Variants in KCTD1 observed in about 807,000 individuals in gnomAD.
KCTD1 encodes BTB/POZ domain-containing protein KCTD1.
KCTD1 carries 24 observed loss-of-function variants against 66.0 expected under a neutral mutation model. That is an observed-to-expected ratio of 0.36 (90% CI 0.26 to 0.51). The LOEUF is 0.51. KCTD1 is among the 20% of genes least tolerant of loss of function. The pLI is 0.95. For synonymous variants in KCTD1, 511 were observed against 517.2 expected (o/e 0.99, Z 0.16); for missense variants, 943 against 1,205.2 (o/e 0.78, Z 3.22).
intron 1 of KCTD1, among the ~76,000 whole-genome samples, chr18:26,612,375 C>A (rs1987155859): frequency 6.6e-6 from 1 of 152,152 alleles, no homozygotes; most frequent in Non-Finnish European, 1.5e-5. Flanking sequence ...ACCCCCAGTA[C>A]CTCAGAATGT....
intron 1 of KCTD1, among the ~76,000 whole-genome samples, chr18:26,587,259 C>T (rs1986491781): frequency 1.3e-5 from 2 of 152,138 alleles, no homozygotes; most frequent in South Asian, 2.1e-4. Flanking sequence ...CAATGAAAAA[C>T]GAAGCCTGGA....
In KCTD1 at chr18:26,468,389, C is replaced by G. The variant is rs573902406; in HGVS notation, c.2133+8126G>C. 3.9e-5 allele frequency among the ~76,000 whole-genome samples: 6 copies of G among 152,192 alleles called. No homozygotes were observed. The East Asian group carries it at 1.2e-3, about 29-fold the overall frequency. On this transcript the variant is annotated intron_variant, in intron 3 of 4. Transcript: ENST00000580059. This position sits in a 1 kb window ranked among gnomAD's most constrained non-coding sequence, Gnocchi z 4.8. ...GTATCCGGCTCGGACAGCACATTTG[C>G]GGAATGAGATTTTAGGGGTGGAGGA...
At chr18:26,550,565 G>GACACACAGACACACACACACACAC (rs372123383), upstream of KCTD1, among the ~76,000 whole-genome samples, 1 of 140,490 alleles carries the variant, frequency 7.1e-6, no homozygotes, top group African/African-American at 2.7e-5. This position sits in a 1 kb window ranked among gnomAD's most constrained non-coding sequence, Gnocchi z 5.4. Flanking sequence ...AAGACACACA[G>GACACACAGACACACACACACACAC]ACACACACAC....
intron 1 of KCTD1, chr18:26,565,637 A>G (rs2144886774): frequency 6.6e-6 from 1 of 151,630 alleles, no homozygotes; most frequent in Non-Finnish European, 1.5e-5. Context: ...ACTGTCTTTA[A>G]TTTGCTGCTT....
chr18:26,569,575 TG>T (rs1986056040), intron 1 of KCTD1, among the ~76,000 whole-genome samples: 1 of 141,648 alleles, frequency 7.1e-6, no homozygotes, highest in Non-Finnish European at 1.5e-5. Flanking sequence ...ATCAGGCAGG[TG>T]GGGGGTGGGG....
chr18:26,571,480 T>C (rs902937453), intron 1 of KCTD1, among the ~76,000 whole-genome samples: 8 of 152,192 alleles, frequency 5.3e-5, no homozygotes, highest in Non-Finnish European at 1.0e-4. Context: ...TGATATAAAA[T>C]GGTATTGTAT....
At chr18:26,473,546 C>T (rs1259303191) in intron 3 of KCTD1, among the ~76,000 whole-genome samples, 1 of 147,102 alleles carries the variant, frequency 6.8e-6, no homozygotes, top group Non-Finnish European at 1.5e-5. Context: ...CCTGCACATG[C>T]ACCCCAGAAC....
intron 2 of KCTD1, among the ~76,000 whole-genome samples, chr18:26,485,090 G>C (rs769624367): frequency 2.6e-5 from 4 of 152,140 alleles, no homozygotes; most frequent in Non-Finnish European, 5.9e-5. Context: ...TTTGAAACTT[G>C]CCTTGAGTTT....
In KCTD1 at chr18:26,455,413, G is replaced by GTTTA. The variant is rs1473979843; in HGVS notation, c.*326_*329dup. 3 of 162,200 alleles carry GTTTA rather than the reference G, an allele frequency of 1.8e-5. No individual in the cohort carries two copies. Among genetic ancestry groups the GTTTA allele is most frequent in the Non-Finnish European group, 4.0e-5 (3 of 75,612 alleles). The allele number at this position is 162,200 out of a possible 1,614,324, so 10.0% of individuals were successfully genotyped here. ...ACTGTGTCCTCACCACTCATGGCTT[G>GTTTA]TTTATTTGTCAGAGGCCTCGGAAGG... On this transcript the variant is annotated 3_prime_UTR_variant, in exon 5 of 5. Coordinates refer to ENST00000580059, the MANE Select transcript of KCTD1 (RefSeq NM_001142730.3).
chr18:26,549,058 C>T (rs931047121), upstream of KCTD1: 237 of 985,210 alleles, frequency 2.4e-4, no homozygotes, highest in Middle Eastern at 2.6e-3. Flanking sequence ...CCGGGCGGGC[C>T]GCGGGTGCTG....
At chr18:26,546,699 A>T in intron 1 of KCTD1, 29 bp downstream of exon 1, 1 of 1,526,282 alleles carries the variant, frequency 6.6e-7, no homozygotes, top group Non-Finnish European at 8.8e-7. Context: ...CCAAAGAAAC[A>T]TTTCATGCAT....
chr18:26,578,636 A>C (rs1567999278), intron 1 of KCTD1, among the ~76,000 whole-genome samples: 1 of 152,202 alleles, frequency 6.6e-6, no homozygotes, highest in Non-Finnish European at 1.5e-5. Flanking sequence ...GCTCTAACCC[A>C]TGGGAATAGT....
chr18:26,461,867 G>A (rs1041719357), intron 3 of KCTD1, among the ~76,000 whole-genome samples: 5 of 152,208 alleles, frequency 3.3e-5, no homozygotes, highest in African/African-American at 1.2e-4. Flanking sequence ...TGTAATCCCA[G>A]CACTTTGGGA....
upstream of KCTD1, chr18:26,549,055 G>A (rs1985429699): frequency 2.0e-6 from 2 of 985,202 alleles, no homozygotes; most frequent in Non-Finnish European, 2.4e-6. Flanking sequence ...GCGCCGGGCG[G>A]GCCGCGGGTG....
At chr18:26,595,695 G>A (rs2144958564) in intron 1 of KCTD1, among the ~76,000 whole-genome samples, 2 of 152,256 alleles carry the variant, frequency 1.3e-5, no homozygotes, top group South Asian at 4.1e-4. Flanking sequence ...TTACTTTTAG[G>A]TAGACCCTCT....
At chr18:26,621,341 C>T (rs555710668) in intron 1 of KCTD1, among the ~76,000 whole-genome samples, 35 of 152,234 alleles carry the variant, frequency 2.3e-4, no homozygotes, top group African/African-American at 7.7e-4. Context: ...TAGACACTGT[C>T]CATAGACTAC....
chr18:26,589,205 G>A (rs1256249028), intron 1 of KCTD1, among the ~76,000 whole-genome samples: 1 of 152,222 alleles, frequency 6.6e-6, no homozygotes, highest in Non-Finnish European at 1.5e-5. Context: ...GAGGGCAACA[G>A]AGAGACAAGA....
Position 26,542,483 on chromosome 18 carries a change from G to A in KCTD1, c.1809+4245C>T, listed in dbSNP as rs111524687. On this transcript the variant is annotated intron_variant, in intron 1 of 4. Transcript: ENST00000580059. ...AGACACATACTACACAGGAACTCCT[G>A]TATCGATTCTGCTTTCAAAATGGCA... Among the ~76,000 whole-genome samples the A allele has an allele frequency of 1.6e-3, 246 of 152,318 alleles. 4 individuals carry two copies. The highest frequency in any genetic ancestry group is 5.8e-3 in the African/African-American group (240 of 41,568).
At chr18:26,527,596 G>A (rs961013665) in intron 1 of KCTD1, among the ~76,000 whole-genome samples, 5 of 151,842 alleles carry the variant, frequency 3.3e-5, no homozygotes, top group East Asian at 1.9e-4. Flanking sequence ...GTCACTATAC[G>A]TTTGTCCAAA....
Sources: gnomAD v4.1 joint callset for allele counts (sites outside exome capture counted in the v4.1 genomes callset) on GRCh38, gnomAD v4.1.1 for gene constraint, Gnocchi (gnomAD v3.1) non-coding constraint, MANE v1.5 for transcripts, NCBI Gene and HGNC (gene_info 2026-07-23, HGNC 2026-07-21) for gene names.